Variants in GDA observed in about 807,000 individuals in gnomAD.
The protein encoded by GDA is guanine deaminase, also known as cytoplasmic PSD-95 interactor.
A neutral mutation model predicts 59.6 loss-of-function variants in GDA; 18 were observed. The ratio of observed to expected loss-of-function variants is 0.30; its 90% CI spans 0.21 to 0.45. GDA has a LOEUF of 0.45. Ranked by LOEUF, GDA falls within the 20% of genes least tolerant of loss-of-function variation. The probability of loss-of-function intolerance (pLI) is 1.00; values close to 1 mark genes in which losing one functional copy is unlikely to be tolerated. For missense variants in GDA, 427 were observed against 552.3 expected (o/e 0.77, Z 2.27); for synonymous variants, 201 against 201.1 (o/e 1.00, Z 0.00).
At chr9:72,221,100 A>G (rs906016920) in intron 6 of GDA, among the ~76,000 whole-genome samples, 1 of 152,114 alleles carries the variant, frequency 6.6e-6, no homozygotes, top group African/African-American at 2.4e-5. Flanking sequence ...CTACCCCTCT[A>G]TGAGTCCTTC....
chr9:72,191,422 A>C (rs1271643109), intron 1 of GDA, among the ~76,000 whole-genome samples: 2 of 152,184 alleles, frequency 1.3e-5, no homozygotes, highest in Non-Finnish European at 2.9e-5. Context: ...TGGAGGAAGA[A>C]GATGGCTGGT....
At chr9:72,252,364 A>T (rs1246146953), downstream of GDA, 6 of 152,254 alleles carry the variant, frequency 3.9e-5, no homozygotes, top group Non-Finnish European at 5.9e-5. Context: ...GTGAGCCAAC[A>T]TGTATCTAAC....
intron 3 of GDA, among the ~76,000 whole-genome samples, chr9:72,210,132 T>A (rs969102710): frequency 1.3e-5 from 2 of 152,246 alleles, no homozygotes; most frequent in Admixed American, 1.3e-4. Flanking sequence ...CTTTCCAAGT[T>A]GCTTCCAGGT....
At chr9:72,204,413 G>A (rs965078620) in intron 3 of GDA, among the ~76,000 whole-genome samples, 12 of 152,092 alleles carry the variant, frequency 7.9e-5, no homozygotes, top group African/African-American at 1.2e-4. Flanking sequence ...AAAGGGGGAA[G>A]GAAAAGTAAA....
chr9:72,225,803 C>G lies in GDA; in HGVS notation c.822+19C>G, dbSNP rs763442808. On this transcript the variant is annotated intron_variant, in intron 8 of 13. Coordinates refer to ENST00000358399, the MANE Select transcript of GDA (RefSeq NM_004293.5). ...AAATAAGGTAAGTTTTATATCATGA[C>G]ATAATCTGTTTAAAGGAGGGCATAT... is the stretch of plus-strand genomic sequence containing the variant. 1.1e-6 allele frequency: 1 copy of G among 941,376 alleles called. No homozygotes were observed. Among genetic ancestry groups the G allele is most frequent in the Admixed American group, 2.1e-5 (1 of 47,088 alleles). The allele number at this position is 941,376 out of a possible 1,614,324, so 58.3% of individuals were successfully genotyped here. A position where few individuals can be genotyped will look rare whatever the true frequency, so the allele number is the denominator to read the frequency against.
upstream of GDA, among the ~76,000 whole-genome samples, chr9:72,148,096 A>G (rs144692350): frequency 6.8e-4 from 103 of 152,324 alleles, 1 homozygote; most frequent in Middle Eastern, 0.01. Flanking sequence ...CTGTGTCTTA[A>G]AAGCAGCAAT....
chr9:72,199,937 T>C (rs1833727481), intron 2 of GDA, among the ~76,000 whole-genome samples: 1 of 152,080 alleles, frequency 6.6e-6, no homozygotes, highest in Non-Finnish European at 1.5e-5. Flanking sequence ...CACAGAGAAC[T>C]CTGGCATCGC....
chr9:72,137,468 G>A (rs539741715), intron 1 of GDA, among the ~76,000 whole-genome samples: 6 of 151,800 alleles, frequency 4.0e-5, no homozygotes, highest in East Asian at 1.9e-4. Context: ...GGATGGTCTC[G>A]ATCTCCTGAC....
At chr9:72,130,208 C>T (rs1009454078) in intron 1 of GDA, among the ~76,000 whole-genome samples, 2 of 152,136 alleles carry the variant, frequency 1.3e-5, no homozygotes, top group Admixed American at 6.5e-5. Flanking sequence ...CTTTATTCAT[C>T]ATGAAGGAAT....
At chr9:72,189,581 C>G (rs1832286168) in intron 1 of GDA, among the ~76,000 whole-genome samples, 1 of 152,144 alleles carries the variant, frequency 6.6e-6, no homozygotes, top group Admixed American at 6.5e-5. Flanking sequence ...TGGCTCATGC[C>G]TGTAATTCTA....
intron 13 of GDA, 111 bp downstream of exon 13, chr9:72,247,544 T>C: frequency 1.5e-6 from 1 of 655,296 alleles, no homozygotes; most frequent in Non-Finnish European, 2.7e-6. Context: ...CTGTGGATGA[T>C]AATTTGCTTT....
upstream of GDA, among the ~76,000 whole-genome samples, chr9:72,145,037 C>T (rs1826576226): frequency 6.6e-6 from 1 of 152,090 alleles, no homozygotes; most frequent in East Asian, 1.9e-4. Flanking sequence ...CAACTTCTCT[C>T]CTAGATAAGA....
chr9:72,161,392 A>G (rs1219421647), intron 1 of GDA, among the ~76,000 whole-genome samples: 1 of 152,150 alleles, frequency 6.6e-6, no homozygotes, highest in Non-Finnish European at 1.5e-5. Flanking sequence ...TCACCACAGG[A>G]TAACCAGGTT....
chr9:72,148,226 A>G (rs193024075), upstream of GDA, among the ~76,000 whole-genome samples: 707 of 152,150 alleles, frequency 4.6e-3, 6 homozygotes, highest in African/African-American at 0.016. Context: ...CATTTATTCA[A>G]TAAACATGTA....
downstream of GDA, among the ~76,000 whole-genome samples, chr9:72,256,480 A>C (rs571358576): frequency 6.6e-6 from 1 of 152,234 alleles, no homozygotes; most frequent in African/African-American, 2.4e-5. Context: ...TGTTGGGTAC[A>C]TAGTCCGCAG....
chr9:72,153,893 G>A (rs1366122906), intron 1 of GDA, among the ~76,000 whole-genome samples: 1 of 150,640 alleles, frequency 6.6e-6, no homozygotes, highest in Non-Finnish European at 1.5e-5. Context: ...CAGCACACCA[G>A]CATGGCACAT....
upstream of GDA, among the ~76,000 whole-genome samples, chr9:72,148,711 A>G (rs992140103): frequency 6.6e-6 from 1 of 152,122 alleles, no homozygotes; most frequent in African/African-American, 2.4e-5. Flanking sequence ...CTCCATTTTC[A>G]TAAGTGGGGA....
chr9:72,214,067 A>G, intron 5 of GDA, 76 bp downstream of exon 5: 5 of 825,112 alleles, frequency 6.1e-6, no homozygotes, highest in South Asian at 1.5e-5. Context: ...AGATGGAAAA[A>G]GGAAACAGGA....
At position 72,250,451 on chromosome 9, in the gene GDA, G is replaced by A; in HGVS notation, c.*2109G>A. Reference sequence around the variant, plus strand: ...CATTTAAATTTAGCTCTGATAGTGTGTTAAGACCTGAATATCTTTCCTAGT... The same window carrying A: ...CATTTAAATTTAGCTCTGATAGTGTATTAAGACCTGAATATCTTTCCTAGT... On this transcript the variant is annotated 3_prime_UTR_variant, in exon 14 of 14. Transcript: ENST00000358399. 3 of 1,279,748 alleles carry A rather than the reference G, an allele frequency of 2.3e-6. No individual in the cohort carries two copies. Among genetic ancestry groups the A allele is most frequent in the Non-Finnish European group, 3.0e-6 (3 of 1,006,816 alleles). 79.3% of individuals were successfully genotyped at this position (1,279,748 alleles called of 1,614,324 possible).
Sources: allele counts gnomAD v4.1 joint callset (sites outside exome capture counted in the v4.1 genomes callset), GRCh38; gene constraint gnomAD v4.1.1; transcripts MANE v1.5; gene names NCBI Gene and HGNC (gene_info 2026-07-23, HGNC 2026-07-21).